The following MYH10 variants were observed in gnomAD, a reference collection of about 807,000 sequenced individuals.
MYH10 encodes myosin heavy chain 10.
A neutral mutation model predicts 257.8 loss-of-function variants in MYH10; 55 were observed. That is an observed-to-expected ratio of 0.21 (90% CI 0.17 to 0.27). MYH10 has a LOEUF of 0.27. Ranked by LOEUF, MYH10 falls within the 10% of genes least tolerant of loss-of-function variation. The probability of loss-of-function intolerance (pLI) is 1.00; values close to 1 mark genes in which losing one functional copy is unlikely to be tolerated. For missense variants in MYH10, 1,631 were observed against 2,500.6 expected, an observed-to-expected ratio of 0.65 and a Z score of 7.42; for synonymous variants, 854 against 921.7, an observed-to-expected ratio of 0.93 and a Z score of 1.33.
chr17:8,572,083 G>GA (rs1326869790), intron 6 of MYH10, among the ~76,000 whole-genome samples: 10 of 152,062 alleles, frequency 6.6e-5, no homozygotes, highest in African/African-American at 2.4e-4. Flanking sequence ...CAAATCATAA[G>GA]AAAAAGACTT....
chr17:8,480,375 T>C (rs576660315), intron 39 of MYH10, 27 bp downstream of exon 39: 1 of 1,613,230 alleles, frequency 6.2e-7, no homozygotes, highest in Admixed American at 1.7e-5. Flanking sequence ...CAGCCCTCCC[T>C]GGGTGACGGG....
At chr17:8,516,062 G>T (rs535144490) in intron 21 of MYH10, among the ~76,000 whole-genome samples, 5 of 152,082 alleles carry the variant, frequency 3.3e-5, no homozygotes, top group African/African-American at 1.2e-4. Flanking sequence ...GAAACATGCC[G>T]GGCACTTTGT....
rs916948321 is a variant in MYH10 at position 8,535,405 on chromosome 17, C to T, written c.1876G>A (p.Ala626Thr). 1 of 1,613,690 alleles carries T rather than the reference C, an allele frequency of 6.2e-7. No individual in the cohort carries two copies. Residue 626 changes from alanine to threonine, a missense_variant, in exon 16 of 43, where the codon GCA (alanine) becomes ACA (threonine). Physicochemically the swap from Ala to Thr is moderately conservative, Grantham distance 58 (BLOSUM62 0). Coordinates refer to ENST00000360416, the MANE Select transcript of MYH10 (RefSeq NM_001256012.3). The surrounding 1 kb of genome is among the most constrained non-coding windows in gnomAD (Gnocchi z 4.3). ...TTCTTACCATCTTTCCAAAGCTCTG[C>T]CACAAATCTGTCTGATGACTGGTGC... ...LLHQSSDRFV[A>T]ELWKDEIQNI...
rs578242242 is a variant in MYH10, at chr17:8,588,138, C to A, written c.530+943G>T. On this transcript the variant is annotated intron_variant, in intron 4 of 42. Transcript: ENST00000360416. ...TTGTGGTTCTTCCTCCTCTGCCTGACCCTTGAGTGTAGGCTTTCCTCAGGA... is the reference window on the plus strand; with the variant it reads ...TTGTGGTTCTTCCTCCTCTGCCTGAACCTTGAGTGTAGGCTTTCCTCAGGA... Among the ~76,000 whole-genome samples, 79 of 152,258 alleles carry A rather than the reference C, an allele frequency of 5.2e-4. 1 individual carries two copies. The highest frequency in any genetic ancestry group is 1.7e-3 in the African/African-American group (72 of 41,542).
At chr17:8,591,765 GCTATCCCACCC>G (rs1035947644) in intron 3 of MYH10, among the ~76,000 whole-genome samples, 1 of 151,954 alleles carries the variant, frequency 6.6e-6, no homozygotes, top group Non-Finnish European at 1.5e-5. Flanking sequence ...CACGCTTCTT[GCTATCCCACCC>G]CCTGTCAAAC....
At chr17:8,594,863 G>GA (rs369657264) in intron 3 of MYH10, among the ~76,000 whole-genome samples, 84 of 152,286 alleles carry the variant, frequency 5.5e-4, no homozygotes, top group African/African-American at 1.8e-3. Flanking sequence ...AGGGAATAAT[G>GA]AAAAGAACAA....
rs574214170 is a variant in MYH10 at position 8,550,286 on chromosome 17, C to T, written c.920-1499G>A. ...GCCATCACATCTAGGAAGTGAGGAG[C>T]GTCTCTGCCCGGCCGCCCATCTTCT... On this transcript the variant is annotated intron_variant, in intron 9 of 42. Transcript: ENST00000360416. Among the ~76,000 whole-genome samples the T allele has an allele frequency of 1.4e-3, 206 of 151,960 alleles. 1 individual carries two copies. Among genetic ancestry groups the T allele is most frequent in the African/African-American group, 4.7e-3 (196 of 41,440 alleles).
chr17:8,527,171 G>A (rs1161955805), intron 17 of MYH10, among the ~76,000 whole-genome samples: 1 of 152,168 alleles, frequency 6.6e-6, no homozygotes, highest in Non-Finnish European at 1.5e-5. Flanking sequence ...ACGTGGTACT[G>A]TAATAACAAG....
intron 7 of MYH10, among the ~76,000 whole-genome samples, chr17:8,556,460 C>T (rs2151972557): frequency 6.6e-6 from 1 of 152,324 alleles, no homozygotes; most frequent in Non-Finnish European, 1.5e-5. Context: ...CAGGGACACA[C>T]CCAACAACGT....
At position 8,490,379 on chromosome 17, in the gene MYH10, A is replaced by G; in HGVS notation, c.4845T>C (p.Asp1615=). The change falls in exon 35 of 43, where the codon GAT becomes GAC. Residue 1615 remains aspartate, a synonymous_variant. Coordinates refer to ENST00000360416, the MANE Select transcript of MYH10 (RefSeq NM_001256012.3). This position sits in a 1 kb window ranked among gnomAD's most constrained non-coding sequence, Gnocchi z 4.1. ...GCCGCTTCTTCTCTTCATTCTGCTC[A>G]TCCCTGGTTTGCAGGTCTCTCTCGA... ...AQFERDLQTR[D]EQNEEKKRLL... The G allele has an allele frequency of 6.2e-7, 1 of 1,614,076 alleles. No individual in the cohort carries two copies. The highest frequency in any genetic ancestry group is 8.5e-7 in the Non-Finnish European group (1 of 1,180,016).
chr17:8,511,444 G>C (rs1479680694), intron 24 of MYH10, among the ~76,000 whole-genome samples: 3 of 152,050 alleles, frequency 2.0e-5, no homozygotes, highest in African/African-American at 7.2e-5. Context: ...CACTTGAACC[G>C]AGGAGGTGGA....
intron 13 of MYH10, among the ~76,000 whole-genome samples, chr17:8,542,659 G>T (rs1265803726): frequency 6.6e-6 from 1 of 152,200 alleles, no homozygotes; most frequent in African/African-American, 2.4e-5. Context: ...GAAAAACAAA[G>T]GCTTGGAAAA....
chr17:8,498,880 C>A (rs1269086894), intron 30 of MYH10, among the ~76,000 whole-genome samples: 1 of 152,056 alleles, frequency 6.6e-6, no homozygotes, highest in African/African-American at 2.4e-5. Context: ...AAAGGTTGCA[C>A]TAATTTATAC....
At chr17:8,481,231 C>T (rs967276591) in intron 38 of MYH10, 91 bp downstream of exon 38, 45 of 1,313,354 alleles carry the variant, frequency 3.4e-5, no homozygotes, top group African/African-American at 3.3e-4. Context: ...GCAAACCACC[C>T]GCTGATGCCA....
At chr17:8,618,287 T>G (rs551422258) in intron 2 of MYH10, among the ~76,000 whole-genome samples, 2 of 152,008 alleles carry the variant, frequency 1.3e-5, no homozygotes, top group Non-Finnish European at 2.9e-5. Context: ...TCGCTCTTGT[T>G]GCCCAGGCTG....
At chr17:8,561,398 G>C in intron 7 of MYH10, 2 of 1,060,100 alleles carry the variant, frequency 1.9e-6, no homozygotes. Context: ...TCTGAAGCAA[G>C]TGTCTTCGAT....
chr17:8,581,683 T>C (rs745986540), intron 4 of MYH10, among the ~76,000 whole-genome samples: 3 of 152,200 alleles, frequency 2.0e-5, no homozygotes, highest in Non-Finnish European at 4.4e-5. Flanking sequence ...ATGGGGATAA[T>C]AGCTCCTAAT....
At position 8,562,668 on chromosome 17, in the gene MYH10, T is replaced by A. The variant is rs140969165; in HGVS notation, c.756+7052A>T. On this transcript the variant is annotated intron_variant, in intron 7 of 42. Coordinates refer to ENST00000360416, the MANE Select transcript of MYH10 (RefSeq NM_001256012.3). ...CGTGACAAGTACCTTGTGTATTAAT[T>A]ACAGCTACACATTTTGATAACGCTT... 1.1e-4 allele frequency among the ~76,000 whole-genome samples: 16 copies of A among 152,300 alleles called. No homozygotes were observed. The East Asian group carries it at 3.1e-3, about 29-fold the overall frequency.
intron 37 of MYH10, among the ~76,000 whole-genome samples, chr17:8,481,657 T>G (rs970342714): frequency 6.6e-6 from 1 of 152,348 alleles, no homozygotes; most frequent in South Asian, 2.1e-4. Flanking sequence ...AGGGCTTTGC[T>G]GTCACCTCCA....
Sources: allele counts gnomAD v4.1 joint callset (sites outside exome capture counted in the v4.1 genomes callset), GRCh38; gene constraint gnomAD v4.1.1; non-coding constraint Gnocchi (gnomAD v3.1); transcripts MANE v1.5; gene names NCBI Gene and HGNC (gene_info 2026-07-23, HGNC 2026-07-21).